The following NFIA variants were observed in gnomAD, a reference collection of about 807,000 sequenced individuals.
NFIA encodes nuclear factor I A, also known as nuclear factor 1 A-type.
NFIA carries 8 observed loss-of-function variants against 62.8 expected under a neutral mutation model. The observed-to-expected ratio is 0.13, with a 90% CI of 0.07 to 0.23. NFIA has a LOEUF of 0.23. NFIA is among the 10% of genes least tolerant of loss of function. The probability of loss-of-function intolerance (pLI) is 1.00; values close to 1 mark genes in which losing one functional copy is unlikely to be tolerated. For missense variants in NFIA, 410 were observed against 642.1 expected, an observed-to-expected ratio of 0.64 and a Z score of 3.91; for synonymous variants, 235 against 238.1, an observed-to-expected ratio of 0.99 and a Z score of 0.12.
At chr1:61,269,576 G>A (rs1657386828) in intron 2 of NFIA, among the ~76,000 whole-genome samples, 1 of 152,168 alleles carries the variant, frequency 6.6e-6, no homozygotes, top group African/African-American at 2.4e-5. Context: ...AGTGCAGGAG[G>A]TTTGGAGTTT....
intron 10 of NFIA, among the ~76,000 whole-genome samples, chr1:61,438,636 C>T (rs1283590961): frequency 6.6e-6 from 1 of 152,018 alleles, no homozygotes; most frequent in Non-Finnish European, 1.5e-5. Flanking sequence ...CTAACGTCGC[C>T]AGTTTCTCGT....
intron 7 of NFIA, among the ~76,000 whole-genome samples, chr1:61,386,634 A>G (rs1236913612): frequency 6.6e-6 from 1 of 152,242 alleles, no homozygotes; most frequent in South Asian, 2.1e-4. Context: ...CACTAAAAAC[A>G]CAAGGGCCTT....
intron 5 of NFIA, among the ~76,000 whole-genome samples, chr1:61,354,663 G>A (rs1662733829): frequency 6.6e-6 from 1 of 152,144 alleles, no homozygotes; most frequent in African/African-American, 2.4e-5. Flanking sequence ...TTTTCACACA[G>A]AATCCTCTTG....
At chr1:61,420,710 G>A (rs1449774364) in intron 9 of NFIA, among the ~76,000 whole-genome samples, 1 of 152,124 alleles carries the variant, frequency 6.6e-6, no homozygotes, top group African/African-American at 2.4e-5. Flanking sequence ...GAATATGTCT[G>A]AGTTTCTGAA....
At chr1:61,315,298 C>A (rs1660313559) in intron 3 of NFIA, among the ~76,000 whole-genome samples, 1 of 152,112 alleles carries the variant, frequency 6.6e-6, no homozygotes, top group Non-Finnish European at 1.5e-5. Context: ...TTCAAGTGCC[C>A]CTGACAGTTA....
intron 2 of NFIA, among the ~76,000 whole-genome samples, chr1:61,216,773 G>A (rs776725621): frequency 1.3e-5 from 2 of 152,158 alleles, no homozygotes; most frequent in Non-Finnish European, 2.9e-5. Flanking sequence ...GCCGAGGCAG[G>A]CAGATCACTT....
Position 61,273,024 on chromosome 1 carries a change from C to A in NFIA, c.560-4496C>A, listed in dbSNP as rs1657606900. On this transcript the variant is annotated intron_variant, in intron 2 of 10. Coordinates refer to ENST00000403491, the MANE Select transcript of NFIA (RefSeq NM_001134673.4). ...GGCTATATTATTTTTCTAGTGGAAC[C>A]AGAATTTGTGCTTTTATGGTCCATA... is the stretch of plus-strand genomic sequence containing the variant. Among the ~76,000 whole-genome samples, 3 of 152,242 alleles carry A rather than the reference C, an allele frequency of 2.0e-5. No homozygotes were observed. The South Asian group carries it at 6.2e-4, about 32-fold the overall frequency.
chr1:61,428,769 A>G (rs1341987878), intron 10 of NFIA, among the ~76,000 whole-genome samples: 1 of 152,200 alleles, frequency 6.6e-6, no homozygotes, highest in East Asian at 1.9e-4. Flanking sequence ...TTTTAAAAAC[A>G]TAATTAGAAC....
intron 2 of NFIA, among the ~76,000 whole-genome samples, chr1:61,133,203 C>CTTAGATTGTT (rs1279865690): frequency 1.3e-5 from 2 of 150,826 alleles, no homozygotes; most frequent in African/African-American, 4.9e-5. Context: ...TTGCTGTTTA[C>CTTAGATTGTT]TTAGATTGTT....
At chr1:61,234,228 G>A (rs891664653) in intron 2 of NFIA, among the ~76,000 whole-genome samples, 2 of 152,088 alleles carry the variant, frequency 1.3e-5, no homozygotes, top group Non-Finnish European at 2.9e-5. Flanking sequence ...TTAGCCTGGA[G>A]TGTTGGCACA....
At chr1:61,389,974 C>T (rs907036249) in intron 7 of NFIA, among the ~76,000 whole-genome samples, 1 of 152,126 alleles carries the variant, frequency 6.6e-6, no homozygotes, top group Non-Finnish European at 1.5e-5. Flanking sequence ...TTACAGTGTA[C>T]AAGATGCTCT....
intron 2 of NFIA, among the ~76,000 whole-genome samples, chr1:61,103,431 G>C (rs1407629626): frequency 6.6e-6 from 1 of 152,162 alleles, no homozygotes; most frequent in Non-Finnish European, 1.5e-5. Context: ...CCTGCCCACA[G>C]CATCCATTAG....
intron 2 of NFIA, among the ~76,000 whole-genome samples, chr1:61,122,450 A>G (rs981675924): frequency 6.6e-6 from 1 of 152,188 alleles, no homozygotes; most frequent in Non-Finnish European, 1.5e-5. Context: ...CGTTAGACAT[A>G]CACCCTACCT....
intron 2 of NFIA, among the ~76,000 whole-genome samples, chr1:61,228,117 G>A (rs1205486997): frequency 6.6e-6 from 1 of 152,158 alleles, no homozygotes; most frequent in Non-Finnish European, 1.5e-5. Flanking sequence ...CTGCTAAAGA[G>A]AGTCTGAATA....
intron 3 of NFIA, among the ~76,000 whole-genome samples, chr1:61,283,937 T>A (rs1658321336): frequency 6.6e-6 from 1 of 152,172 alleles, no homozygotes. Context: ...TTTAAAAAAA[T>A]TTGGAGGCAA....
chr1:61,398,447 G>C (rs2180201), intron 7 of NFIA, among the ~76,000 whole-genome samples: 102,078 of 152,012 alleles, frequency 0.67, 36,495 homozygotes, highest in East Asian at 0.94. Flanking sequence ...AAAATCCCCT[G>C]AATTCAAATG....
rs375216058 is a variant in NFIA, at chr1:61,188,785, C to T, written c.560-88735C>T. On this transcript the variant is annotated intron_variant, in intron 2 of 10. Transcript: ENST00000403491. ...ATTCTTTTACTCTTAACTGTTGCTACCAGGTCATACCTAATTTGTATTTTT... is the reference window on the plus strand; with the variant it reads ...ATTCTTTTACTCTTAACTGTTGCTATCAGGTCATACCTAATTTGTATTTTT... Among the ~76,000 whole-genome samples, 38 of 152,266 alleles carry T rather than the reference C, an allele frequency of 2.5e-4. 1 individual carries two copies. In the East Asian group the frequency reaches 5.2e-3, roughly 21 times the overall value.
intron 2 of NFIA, among the ~76,000 whole-genome samples, chr1:61,139,351 A>C (rs1298815603): frequency 6.6e-6 from 1 of 152,198 alleles, no homozygotes; most frequent in Non-Finnish European, 1.5e-5. Flanking sequence ...CAAGTATCTT[A>C]GGCTACTGGT....
chr1:61,156,247 G>A (rs1485312048), intron 2 of NFIA, among the ~76,000 whole-genome samples: 2 of 152,228 alleles, frequency 1.3e-5, no homozygotes, highest in Non-Finnish European at 2.9e-5. Flanking sequence ...TAAGGAAAGT[G>A]TATTTTCCAA....
Sources: allele counts gnomAD v4.1 joint callset (sites outside exome capture counted in the v4.1 genomes callset), GRCh38; gene constraint gnomAD v4.1.1; transcripts MANE v1.5; gene names NCBI Gene and HGNC (gene_info 2026-07-23, HGNC 2026-07-21).